GPHN: variants seen among roughly 807,000 people sequenced by gnomAD.
GPHN encodes gephyrin.
In GPHN, 17 loss-of-function variants were observed where a neutral mutation model predicts 95.5. That is an observed-to-expected ratio of 0.18 (90% CI 0.12 to 0.27). The LOEUF (loss-of-function observed/expected upper bound fraction) is 0.27. GPHN is among the 10% of genes least tolerant of loss of function. GPHN has a pLI of 1.00. For missense variants in GPHN, 660 were observed against 978.1 expected (o/e 0.67, Z 4.34); for synonymous variants, 320 against 322.5 (o/e 0.99, Z 0.08).
chr14:67,230,247 G>T, the GPHN span, among the ~76,000 whole-genome samples: 2 of 152,236 alleles, frequency 1.3e-5, no homozygotes, highest in Admixed American at 1.3e-4. Flanking sequence ...TGTAGTTGGT[G>T]TACAACCACC....
In GPHN at chr14:66,585,042, A is replaced by G. The variant is rs866801145; in HGVS notation, c.64+76451A>G. On this transcript the variant is annotated intron_variant, in intron 1 of 22. Transcript: ENST00000478722. ...CTGGACTTTTTTTGGTTGGTAAGCTATTAATTATTGCCTCAGTTTCAGAGC... is the reference window on the plus strand; with the variant it reads ...CTGGACTTTTTTTGGTTGGTAAGCTGTTAATTATTGCCTCAGTTTCAGAGC... Among the ~76,000 whole-genome samples, 13 of 152,236 alleles carry G rather than the reference A, an allele frequency of 8.5e-5. 2 individuals are homozygous for G. The highest frequency in any genetic ancestry group is 2.9e-4 in the African/African-American group (12 of 41,548).
Position 66,683,024 on chromosome 14 carries a change from A to G in GPHN, c.143+1839A>G, listed in dbSNP as rs1268409991. Among the ~76,000 whole-genome samples, 4 of 151,962 alleles carry G rather than the reference A, an allele frequency of 2.6e-5. No homozygotes were observed. In the East Asian group the frequency reaches 5.8e-4, roughly 22 times the overall value. ...TTTTAGTATTCTAAAAAAAAAATTC[A>G]TCTCAGACTACTTCATTGGAAGGAC... On this transcript the variant is annotated intron_variant, in intron 2 of 22. Coordinates refer to ENST00000478722, the MANE Select transcript of GPHN (RefSeq NM_020806.5).
At chr14:67,697,671 A>G in the GPHN span, among the ~76,000 whole-genome samples, 1 of 152,000 alleles carries the variant, frequency 6.6e-6, no homozygotes, top group African/African-American at 2.4e-5. Flanking sequence ...TGGGATTCAA[A>G]CTGAAGCAGG....
At chr14:67,284,429 T>TAAAAAAAAAAAAAAAAAAA in the GPHN span, among the ~76,000 whole-genome samples, 19 of 92,660 alleles carry the variant, frequency 2.1e-4, 1 homozygote, top group African/African-American at 1.1e-3. Context: ...CCCTATCTCT[T>TAAAAAAAAAAAAAAAAAAA]AAAAAAAAAA....
chr14:67,382,083 G>A, the GPHN span, among the ~76,000 whole-genome samples: 6 of 152,144 alleles, frequency 3.9e-5, 1 homozygote, highest in Admixed American at 3.9e-4. Flanking sequence ...CTGGATGGCT[G>A]TAACTCAGAA....
the GPHN span, among the ~76,000 whole-genome samples, chr14:67,493,902 A>ATT: frequency 1.3e-5 from 2 of 151,702 alleles, no homozygotes; most frequent in African/African-American, 2.4e-5. Context: ...TTTAAAAATA[A>ATT]TTTTTTTTTA....
chr14:66,728,175 G>A (rs1451812117), intron 2 of GPHN, among the ~76,000 whole-genome samples: 2 of 152,126 alleles, frequency 1.3e-5, no homozygotes, highest in East Asian at 3.9e-4. Context: ...ATTGGGGTTT[G>A]GGAACCTCTG....
intron 9 of GPHN, among the ~76,000 whole-genome samples, chr14:66,998,351 A>G (rs1365989587): frequency 6.6e-6 from 1 of 152,162 alleles, no homozygotes; most frequent in Non-Finnish European, 1.5e-5. Flanking sequence ...TGTTTAATTT[A>G]TGATGCTATA....
At chr14:66,956,096 A>C (rs568226177) in intron 8 of GPHN, among the ~76,000 whole-genome samples, 2 of 152,072 alleles carry the variant, frequency 1.3e-5, no homozygotes. Flanking sequence ...TATCTCCACT[A>C]TAATTCTTAT....
At chr14:67,555,978 T>C in the GPHN span, 1 of 1,492,812 alleles carries the variant, frequency 6.7e-7, no homozygotes, top group Non-Finnish European at 9.2e-7. Context: ...GACACATACA[T>C]CACCAGCAGT....
chr14:66,674,588 A>G (rs1009411716), intron 1 of GPHN, among the ~76,000 whole-genome samples: 5 of 152,164 alleles, frequency 3.3e-5, no homozygotes, highest in African/African-American at 1.2e-4. Context: ...CTTATTTCAC[A>G]TAACATAATG....
At chr14:66,619,994 G>A (rs764042215) in intron 1 of GPHN, among the ~76,000 whole-genome samples, 20 of 152,102 alleles carry the variant, frequency 1.3e-4, no homozygotes, top group Admixed American at 3.3e-4. Context: ...GGATTTGATC[G>A]CCAGTGTTTT....
intron 22 of GPHN, among the ~76,000 whole-genome samples, chr14:67,179,922 T>C (rs1226658273): frequency 6.6e-6 from 1 of 152,222 alleles, no homozygotes; most frequent in Non-Finnish European, 1.5e-5. Flanking sequence ...CATTGACTAA[T>C]GTCCTGTAAT....
chr14:67,528,850 A>G, the GPHN span, among the ~76,000 whole-genome samples: 1 of 152,194 alleles, frequency 6.6e-6, no homozygotes, highest in Non-Finnish European at 1.5e-5. Flanking sequence ...GTGCGTGACA[A>G]TGCAGACTCC....
intron 3 of GPHN, among the ~76,000 whole-genome samples, chr14:66,800,714 T>C (rs556153165): frequency 1.3e-5 from 2 of 152,292 alleles, no homozygotes; most frequent in South Asian, 4.1e-4. Flanking sequence ...ACCACTCTTC[T>C]ACAATGGCTA....
chr14:67,166,152 GA>G (rs1259921084), intron 20 of GPHN, among the ~76,000 whole-genome samples: 1 of 152,092 alleles, frequency 6.6e-6, no homozygotes, highest in Non-Finnish European at 1.5e-5. Context: ...GTTAAACTTT[GA>G]AAACATTTTA....
At chr14:67,721,842 C>T in the GPHN span, among the ~76,000 whole-genome samples, 2 of 151,552 alleles carry the variant, frequency 1.3e-5, no homozygotes, top group Non-Finnish European at 2.9e-5. Flanking sequence ...ACTGAGTTAA[C>T]AGAGAGGTTT....
the GPHN span, among the ~76,000 whole-genome samples, chr14:67,504,664 A>G: frequency 1.3e-5 from 2 of 152,176 alleles, no homozygotes; most frequent in Admixed American, 6.5e-5. Flanking sequence ...AGGTGGGTGG[A>G]TCACGAGGTC....
intron 9 of GPHN, among the ~76,000 whole-genome samples, chr14:66,982,320 C>A (rs1456110539): frequency 6.6e-6 from 1 of 151,880 alleles, no homozygotes. Context: ...CAGGCAATTT[C>A]TTTTGTTGCA....
Sources: allele counts gnomAD v4.1 joint callset (sites outside exome capture counted in the v4.1 genomes callset), GRCh38; gene constraint gnomAD v4.1.1; transcripts MANE v1.5; gene names NCBI Gene and HGNC (gene_info 2026-07-23, HGNC 2026-07-21).